The following USP13 variants were observed in gnomAD, a reference collection of about 807,000 sequenced individuals.
The protein encoded by USP13 is ubiquitin carboxyl-terminal hydrolase 13.
USP13 carries 68 observed loss-of-function variants against 107.8 expected under a neutral mutation model. That is an observed-to-expected ratio of 0.63 (90% CI 0.52 to 0.77). The LOEUF (loss-of-function observed/expected upper bound fraction) is 0.77, where lower values mean the gene tolerates loss of function less well. Among genes scored for constraint, USP13 ranks in the 30% least tolerant of loss-of-function variants. The probability of loss-of-function intolerance (pLI) is 0.00; values close to 1 mark genes in which losing one functional copy is unlikely to be tolerated. For missense variants in USP13, 945 were observed against 1,093.3 expected (o/e 0.86, Z 1.91); for synonymous variants, 377 against 389.5 (o/e 0.97, Z 0.38).
intron 6 of USP13, among the ~76,000 whole-genome samples, chr3:179,717,975 G>A (rs1713165982): frequency 6.6e-6 from 1 of 151,992 alleles, no homozygotes; most frequent in South Asian, 2.1e-4. Context: ...TTTCTTTGGG[G>A]AGCAGCGAGT....
At chr3:179,764,311 A>T in intron 18 of USP13, 143 bp downstream of exon 18, 2 of 1,282,446 alleles carry the variant, frequency 1.6e-6, no homozygotes, top group Non-Finnish European at 2.0e-6. Context: ...ATAGCCCATA[A>T]AGATTTATTT....
chr3:179,733,358 G>T (rs1713871519), intron 10 of USP13, among the ~76,000 whole-genome samples: 1 of 152,178 alleles, frequency 6.6e-6, no homozygotes, highest in South Asian at 2.1e-4. Flanking sequence ...AGCTCACATT[G>T]ACCATGATTT....
At chr3:179,736,950 A>C (rs549350207) in intron 10 of USP13, among the ~76,000 whole-genome samples, 31 of 152,376 alleles carry the variant, frequency 2.0e-4, no homozygotes, top group Admixed American at 8.5e-4. Flanking sequence ...AGCAGCAGGC[A>C]GTGAATGCAT....
intron 13 of USP13, 80 bp from the exon 14 acceptor site, chr3:179,752,205 A>ATCT: frequency 7.6e-7 from 1 of 1,312,654 alleles, no homozygotes; most frequent in South Asian, 1.3e-5. Flanking sequence ...TGTGCCTCAG[A>ATCT]CAAAGTTGAT....
At chr3:179,662,944 C>T (rs901983355) in intron 1 of USP13, among the ~76,000 whole-genome samples, 8 of 151,942 alleles carry the variant, frequency 5.3e-5, no homozygotes, top group Non-Finnish European at 7.4e-5. Flanking sequence ...TCCATTCTAC[C>T]TCCCTCTCTC....
At chr3:179,667,160 T>C (rs1447231648) in intron 1 of USP13, among the ~76,000 whole-genome samples, 1 of 152,196 alleles carries the variant, frequency 6.6e-6, no homozygotes, top group African/African-American at 2.4e-5. Context: ...GAGAAGAAGA[T>C]GAAATGGCAT....
chr3:179,756,198 G>A (rs955637616), intron 15 of USP13, among the ~76,000 whole-genome samples: 53 of 152,236 alleles, frequency 3.5e-4, no homozygotes, highest in Middle Eastern at 3.4e-3. Context: ...GCCAAGGCGG[G>A]CAGATCACGA....
chr3:179,684,181 G>C (rs1432964333), intron 2 of USP13, among the ~76,000 whole-genome samples: 1 of 150,976 alleles, frequency 6.6e-6, no homozygotes. Flanking sequence ...GGATGGTCTC[G>C]CTATCTCGAC....
intron 8 of USP13, among the ~76,000 whole-genome samples, chr3:179,722,519 C>T (rs1422722810): frequency 1.3e-5 from 2 of 152,056 alleles, no homozygotes; most frequent in Admixed American, 1.3e-4. Context: ...GGGTACATAA[C>T]AGGTGTATAT....
chr3:179,717,901 C>G (rs1457655198), intron 6 of USP13, among the ~76,000 whole-genome samples: 1 of 151,988 alleles, frequency 6.6e-6, no homozygotes, highest in Non-Finnish European at 1.5e-5. Context: ...TATCATGGGC[C>G]TCTGGGGGAA....
intron 1 of USP13, among the ~76,000 whole-genome samples, chr3:179,668,826 T>C (rs1720659882): frequency 6.6e-6 from 1 of 152,260 alleles, no homozygotes; most frequent in Non-Finnish European, 1.5e-5. Context: ...ACCTGCTTCT[T>C]ATCTATGGGT....
chr3:179,743,399 T>C (rs1450591943), intron 12 of USP13, among the ~76,000 whole-genome samples: 2 of 148,874 alleles, frequency 1.3e-5, no homozygotes, highest in Admixed American at 6.7e-5. Flanking sequence ...TTTTTGAGAA[T>C]AAAGAAAAAA....
chr3:179,783,929 A>T, intron 20 of USP13, 119 bp from the exon 21 acceptor site: 1 of 712,020 alleles, frequency 1.4e-6, no homozygotes, highest in Non-Finnish European at 2.3e-6. Flanking sequence ...AACGAACTTG[A>T]GTATAGTACC....
chr3:179,779,199 G>T (rs541711954), intron 19 of USP13, among the ~76,000 whole-genome samples: 170 of 151,486 alleles, frequency 1.1e-3, no homozygotes, highest in African/African-American at 4.0e-3. Flanking sequence ...GAGGGTTTTG[G>T]GGGCCGAGTA....
chr3:179,723,278 T>C (rs1713391772), intron 8 of USP13, among the ~76,000 whole-genome samples: 1 of 152,206 alleles, frequency 6.6e-6, no homozygotes, highest in Non-Finnish European at 1.5e-5. Context: ...TGAAAATTTA[T>C]GGTGCATTTT....
intron 3 of USP13, among the ~76,000 whole-genome samples, chr3:179,699,576 G>A (rs1341087950): frequency 5.9e-5 from 9 of 151,778 alleles, no homozygotes; most frequent in African/African-American, 2.2e-4. Flanking sequence ...AGCCAAGCCT[G>A]GCAGTCCTAG....
chr3:179,745,256 G>A (rs1560072167), intron 13 of USP13, 39 bp downstream of exon 13: 1 of 1,604,348 alleles, frequency 6.2e-7, no homozygotes, highest in Non-Finnish European at 8.5e-7. Context: ...GGGTGAGGAG[G>A]GGCCTTGAGG....
intron 16 of USP13, among the ~76,000 whole-genome samples, chr3:179,759,500 T>A (rs1450043944): frequency 6.6e-6 from 1 of 152,232 alleles, no homozygotes; most frequent in African/African-American, 2.4e-5. Flanking sequence ...TATGTAGGTT[T>A]AAAAACTTAT....
At chr3:179,725,306 T>C (rs1713476255) in intron 8 of USP13, among the ~76,000 whole-genome samples, 1 of 152,162 alleles carries the variant, frequency 6.6e-6, no homozygotes, top group African/African-American at 2.4e-5. Flanking sequence ...GAGTTTTTTT[T>C]TGTCTTGTCA....
Sources: gnomAD v4.1 joint callset for allele counts (sites outside exome capture counted in the v4.1 genomes callset) on GRCh38, gnomAD v4.1.1 for gene constraint, MANE v1.5 for transcripts, NCBI Gene and HGNC (gene_info 2026-07-23, HGNC 2026-07-21) for gene names.